Variants in GRM3 observed in about 807,000 individuals in gnomAD.
The protein encoded by GRM3 is glutamate metabotropic receptor 3.
GRM3 carries 26 observed loss-of-function variants against 70.5 expected under a neutral mutation model. That is an observed-to-expected ratio of 0.37 (90% confidence interval 0.27 to 0.51). The LOEUF is 0.51. Among genes scored for constraint, GRM3 ranks in the 20% least tolerant of loss-of-function variants. The pLI is 0.93. For missense variants in GRM3, 859 were observed against 1,123.8 expected (o/e 0.76, Z 3.37); for synonymous variants, 443 against 434.9 (o/e 1.02, Z -0.23).
chr7:86,663,133 G>A (rs929077461), intron 1 of GRM3, among the ~76,000 whole-genome samples: 1 of 151,698 alleles, frequency 6.6e-6, no homozygotes, highest in African/African-American at 2.4e-5. Context: ...AGATCTCTCA[G>A]GGTATACATG....
At chr7:86,747,433 G>C (rs545094164) in intron 1 of GRM3, among the ~76,000 whole-genome samples, 2 of 151,976 alleles carry the variant, frequency 1.3e-5, no homozygotes, top group Non-Finnish European at 2.9e-5. Flanking sequence ...TTATAAAAAG[G>C]TTGTTACATG....
At chr7:86,668,265 C>CA (rs200176511) in intron 1 of GRM3, among the ~76,000 whole-genome samples, 5 of 130,958 alleles carry the variant, frequency 3.8e-5, no homozygotes, top group African/African-American at 1.6e-4. Flanking sequence ...GGTGAAATGT[C>CA]AAAATTTTTT....
chr7:86,718,145 A>C (rs1795366088), intron 1 of GRM3, among the ~76,000 whole-genome samples: 1 of 151,952 alleles, frequency 6.6e-6, no homozygotes, highest in Non-Finnish European at 1.5e-5. Flanking sequence ...TAAAAATGGA[A>C]ATGTAGATCT....
chr7:86,800,554 T>C (rs1797658557), intron 3 of GRM3, among the ~76,000 whole-genome samples: 1 of 152,158 alleles, frequency 6.6e-6, no homozygotes, highest in Non-Finnish European at 1.5e-5. Context: ...ATGGATAAAT[T>C]CCTGGACACA....
At chr7:86,766,274 A>G (rs553144837) in intron 2 of GRM3, among the ~76,000 whole-genome samples, 1 of 152,178 alleles carries the variant, frequency 6.6e-6, no homozygotes, top group East Asian at 1.9e-4. Flanking sequence ...CATTATTCCC[A>G]CTAATTTTTA....
Position 86,850,393 on chromosome 7 carries a change from C to T in GRM3, c.2415C>T (p.Ile805=). 1 of 1,612,914 alleles carries T rather than the reference C, an allele frequency of 6.2e-7. No individual in the cohort carries two copies. Among genetic ancestry groups the T allele is most frequent in the Non-Finnish European group, 8.5e-7 (1 of 1,179,206 alleles). The change falls in exon 5 of 6, where the codon ATC becomes ATT. Residue 805 remains isoleucine, a synonymous_variant. Transcript: ENST00000361669. The stretch of plus-strand genomic sequence containing the variant: ...AGGTGCAGACGACAACCATGTGCAT[C>T]TCTGTCAGCCTGAGTGGCTTTGTGG... ...DYRVQTTTMC[I]SVSLSGFVVL...
chr7:86,766,162 A>G (rs1279410905), intron 2 of GRM3, among the ~76,000 whole-genome samples: 1 of 152,158 alleles, frequency 6.6e-6, no homozygotes, highest in Non-Finnish European at 1.5e-5. Flanking sequence ...TGCCCACAGG[A>G]CAAGTGCTGC....
At chr7:86,851,114 A>T (rs1275720268) in intron 5 of GRM3, among the ~76,000 whole-genome samples, 1 of 152,180 alleles carries the variant, frequency 6.6e-6, no homozygotes, top group East Asian at 1.9e-4. Flanking sequence ...TCTCTATGCA[A>T]GAAAACCTGT....
chr7:86,743,518 G>A (rs1278216034), intron 1 of GRM3, among the ~76,000 whole-genome samples: 1 of 151,988 alleles, frequency 6.6e-6, no homozygotes, highest in East Asian at 1.9e-4. Context: ...CTCCCTTGCA[G>A]CTGCATATAT....
At chr7:86,813,043 C>T (rs1039099454) in intron 3 of GRM3, among the ~76,000 whole-genome samples, 1 of 151,570 alleles carries the variant, frequency 6.6e-6, no homozygotes, top group Non-Finnish European at 1.5e-5. Flanking sequence ...TCACAGTGCC[C>T]CTCATTATCA....
chr7:86,798,919 C>T (rs1409793224), intron 3 of GRM3, among the ~76,000 whole-genome samples: 1 of 152,146 alleles, frequency 6.6e-6, no homozygotes, highest in Non-Finnish European at 1.5e-5. Flanking sequence ...GTTCATTCAC[C>T]TCCTGCCATG....
At position 86,727,854 on chromosome 7, in the gene GRM3, A is replaced by AC. The variant is rs143492768; in HGVS notation, c.-140-37151dup. 9.0e-3 allele frequency among the ~76,000 whole-genome samples: 1,368 copies of AC among 152,024 alleles called. 17 individuals are homozygous for AC. The highest frequency in any genetic ancestry group is 0.031 in the African/African-American group (1,303 of 41,476). ...CAAACTTGTAATGGAACACAGCTAC[A>AC]CTCCTTTGTGTGTTTTCAATGACAG... On this transcript the variant is annotated intron_variant, in intron 1 of 5. Transcript: ENST00000361669.
chr7:86,716,347 T>C (rs1795313764), intron 1 of GRM3, among the ~76,000 whole-genome samples: 1 of 152,022 alleles, frequency 6.6e-6, no homozygotes, highest in African/African-American at 2.4e-5. Context: ...TGAGTTCTTA[T>C]GTTACTTAGT....
intron 2 of GRM3, among the ~76,000 whole-genome samples, chr7:86,769,190 G>A (rs1487939949): frequency 6.6e-6 from 1 of 152,070 alleles, no homozygotes; most frequent in Non-Finnish European, 1.5e-5. Context: ...TGGTGACAGT[G>A]TGCAGCCTGT....
intron 3 of GRM3, among the ~76,000 whole-genome samples, chr7:86,832,053 G>A (rs1283603794): frequency 6.6e-6 from 1 of 152,098 alleles, no homozygotes; most frequent in African/African-American, 2.4e-5. Flanking sequence ...CTTGCTGCAT[G>A]AGGTTCGTAA....
chr7:86,651,272 C>T (rs1443980254), intron 1 of GRM3, among the ~76,000 whole-genome samples: 6 of 152,166 alleles, frequency 3.9e-5, no homozygotes, highest in South Asian at 2.1e-4. Flanking sequence ...GTGATATGTG[C>T]TAGAGTAATT....
At chr7:86,650,940 A>G (rs1237440132) in intron 1 of GRM3, among the ~76,000 whole-genome samples, 10 of 152,192 alleles carry the variant, frequency 6.6e-5, no homozygotes, top group Non-Finnish European at 1.2e-4. Flanking sequence ...GTTCATCTTT[A>G]TGTTAGAAAA....
chr7:86,755,569 A>G (rs755963921), intron 1 of GRM3, among the ~76,000 whole-genome samples: 4 of 152,192 alleles, frequency 2.6e-5, no homozygotes, highest in South Asian at 2.1e-4. Context: ...GATTGGCTAT[A>G]CACCAACTTG....
intron 3 of GRM3, among the ~76,000 whole-genome samples, chr7:86,825,145 G>T (rs1798205677): frequency 6.6e-6 from 1 of 152,090 alleles, no homozygotes; most frequent in South Asian, 2.1e-4. Context: ...GGTGTCTCTT[G>T]TTCCCCTCTT....
Sources: allele counts gnomAD v4.1 joint callset (sites outside exome capture counted in the v4.1 genomes callset), GRCh38; gene constraint gnomAD v4.1.1; transcripts MANE v1.5; gene names NCBI Gene and HGNC (gene_info 2026-07-23, HGNC 2026-07-21).